Variants in ETV6 observed in about 807,000 individuals in gnomAD.
ETV6 encodes ETS variant transcription factor 6.
ETV6 carries 16 observed loss-of-function variants against 51.1 expected under a neutral mutation model. The ratio of observed to expected loss-of-function variants is 0.31; its 90% CI spans 0.21 to 0.48. The LOEUF (loss-of-function observed/expected upper bound fraction) is 0.48, where lower values mean the gene tolerates loss of function less well. ETV6 is among the 20% of genes least tolerant of loss of function. ETV6 has a pLI of 0.99. For missense variants in ETV6, 458 were observed against 594.8 expected (o/e 0.77, Z 2.39); for synonymous variants, 240 against 224.1 (o/e 1.07, Z -0.64).
intron 1 of ETV6, among the ~76,000 whole-genome samples, chr12:11,746,790 C>CTTTTTTTTTTTTT (rs56135545): frequency 8.4e-6 from 1 of 118,682 alleles, no homozygotes; most frequent in African/African-American, 3.1e-5. Flanking sequence ...CTCTCTCTCT[C>CTTTTTTTTTTTTT]TTTTTTTTTT....
chr12:11,669,273 A>C (rs1157495064), intron 1 of ETV6, among the ~76,000 whole-genome samples: 1 of 152,186 alleles, frequency 6.6e-6, no homozygotes, highest in African/African-American at 2.4e-5. Context: ...AGTCTGATCC[A>C]AAAGACTGTG....
At chr12:11,784,033 C>T (rs934677343) in intron 2 of ETV6, among the ~76,000 whole-genome samples, 12 of 152,094 alleles carry the variant, frequency 7.9e-5, no homozygotes, top group African/African-American at 2.9e-4. Context: ...TCCCCCTGTG[C>T]TGCTCAACAC....
At chr12:11,650,484 AAAAAAAAAAAACAAAAAAC>A (rs1863876128) in intron 1 of ETV6, among the ~76,000 whole-genome samples, 3 of 57,004 alleles carry the variant, frequency 5.3e-5, no homozygotes, top group South Asian at 8.2e-4. Flanking sequence ...GTGCGCTTAA[AAAAAAAAAAAACAAAAAAC>A]AAAAAAAAAA....
At position 11,650,167 on chromosome 12, in the gene ETV6, A is replaced by G. The variant is rs1168906954; in HGVS notation, c.33+7A>G. On this transcript the variant is annotated splice_region_variant and intron_variant, in intron 1 of 7. Coordinates refer to ENST00000396373, the MANE Select transcript of ETV6 (RefSeq NM_001987.5). ...TGCTCAGTGTAGCATTAAGGTAAAA[A>G]TCTTCTCCCCTCCTTCTACGTGGTG... The G allele has an allele frequency of 3.9e-5, 63 of 1,612,566 alleles. No homozygotes were observed. Among genetic ancestry groups the G allele is most frequent in the Admixed American group, 1.3e-4 (8 of 59,984 alleles).
At chr12:11,794,601 T>C (rs11054458) in intron 2 of ETV6, among the ~76,000 whole-genome samples, 3,873 of 152,348 alleles carry the variant, frequency 0.025, 66 homozygotes, top group Non-Finnish European at 0.041. Flanking sequence ...GTCATACCTG[T>C]GGGTTTCCTT....
intron 2 of ETV6, among the ~76,000 whole-genome samples, chr12:11,824,608 G>A (rs1221420142): frequency 1.3e-5 from 2 of 152,114 alleles, no homozygotes; most frequent in African/African-American, 2.4e-5. Context: ...GTGAAACCCC[G>A]TCTCTACTAA....
intron 1 of ETV6, among the ~76,000 whole-genome samples, chr12:11,732,378 A>G (rs554225019): frequency 6.6e-6 from 1 of 152,286 alleles, no homozygotes; most frequent in African/African-American, 2.4e-5. Flanking sequence ...TCATCTGAAA[A>G]ATGAGGATGC....
At chr12:11,777,260 A>AAAT (rs1285157109) in intron 2 of ETV6, among the ~76,000 whole-genome samples, 1 of 151,320 alleles carries the variant, frequency 6.6e-6, no homozygotes, top group African/African-American at 2.4e-5. Context: ...AAAAAAAAAA[A>AAAT]AATCACGTTT....
chr12:11,784,427 C>T (rs368563600), intron 2 of ETV6, among the ~76,000 whole-genome samples: 2 of 146,398 alleles, frequency 1.4e-5, no homozygotes, highest in African/African-American at 2.6e-5. Context: ...CCACTGCACT[C>T]GCGCCTGGGT....
At chr12:11,712,412 C>G (rs1250203200) in intron 1 of ETV6, among the ~76,000 whole-genome samples, 6 of 152,204 alleles carry the variant, frequency 3.9e-5, no homozygotes, top group African/African-American at 1.4e-4. Context: ...CCAGTCCCTT[C>G]TTAGACGTGT....
chr12:11,758,148 G>A (rs574644369), intron 2 of ETV6, among the ~76,000 whole-genome samples: 2 of 152,322 alleles, frequency 1.3e-5, no homozygotes, highest in South Asian at 4.1e-4. Context: ...AAGGGCTTGG[G>A]TCTGGATAGA....
At chr12:11,717,687 C>T (rs977222975) in intron 1 of ETV6, among the ~76,000 whole-genome samples, 4 of 152,200 alleles carry the variant, frequency 2.6e-5, no homozygotes, top group African/African-American at 4.8e-5. Context: ...ATTTTGAAAA[C>T]GCATGAGAAT....
intron 1 of ETV6, among the ~76,000 whole-genome samples, chr12:11,660,164 C>A (rs558906288): frequency 6.6e-6 from 1 of 152,014 alleles, no homozygotes; most frequent in Non-Finnish European, 1.5e-5. Flanking sequence ...CACATGTACC[C>A]CCAAAATATG....
chr12:11,792,461 G>A (rs144133139), intron 2 of ETV6, among the ~76,000 whole-genome samples: 1 of 152,200 alleles, frequency 6.6e-6, no homozygotes, highest in African/African-American at 2.4e-5. Flanking sequence ...GGCCGAGGTG[G>A]GTGGATCATG....
intron 1 of ETV6, among the ~76,000 whole-genome samples, chr12:11,709,721 C>T (rs1271966346): frequency 1.3e-5 from 2 of 152,166 alleles, no homozygotes; most frequent in African/African-American, 2.4e-5. Flanking sequence ...CATGGCCCTC[C>T]GTAATGCGGG....
intron 1 of ETV6, among the ~76,000 whole-genome samples, chr12:11,656,363 G>A (rs1414856456): frequency 6.6e-6 from 1 of 152,214 alleles, no homozygotes; most frequent in Non-Finnish European, 1.5e-5. Context: ...AAGAAAATTA[G>A]GAAACTTGAA....
At chr12:11,843,352 A>G (rs1345844162) in intron 3 of ETV6, among the ~76,000 whole-genome samples, 2 of 152,206 alleles carry the variant, frequency 1.3e-5, no homozygotes, top group East Asian at 1.9e-4. Context: ...TTCTTCTGAC[A>G]TGGGCTTTCT....
chr12:11,694,853 G>A (rs1864844952), intron 1 of ETV6, among the ~76,000 whole-genome samples: 1 of 152,168 alleles, frequency 6.6e-6, no homozygotes, highest in South Asian at 2.1e-4. Context: ...TCTTTAAGGA[G>A]CTAGGAGAGA....
At chr12:11,822,694 A>G (rs964134639) in intron 2 of ETV6, among the ~76,000 whole-genome samples, 1 of 152,232 alleles carries the variant, frequency 6.6e-6, no homozygotes, top group African/African-American at 2.4e-5. Flanking sequence ...CAAATGAGCA[A>G]TGAATGTAAA....
Sources: gnomAD v4.1 joint callset for allele counts (sites outside exome capture counted in the v4.1 genomes callset) on GRCh38, gnomAD v4.1.1 for gene constraint, MANE v1.5 for transcripts, NCBI Gene and HGNC (gene_info 2026-07-23, HGNC 2026-07-21) for gene names.